The following AKAP6 variants were observed in gnomAD, a reference collection of about 807,000 sequenced individuals.
The protein encoded by AKAP6 is A-kinase anchor protein 6.
AKAP6 carries 58 observed loss-of-function variants against 188.5 expected under a neutral mutation model. The ratio of observed to expected loss-of-function variants is 0.31; its 90% CI spans 0.25 to 0.38. The LOEUF (loss-of-function observed/expected upper bound fraction) is 0.38, where lower values mean the gene tolerates loss of function less well. AKAP6 is among the 10% of genes least tolerant of loss of function. The pLI, the probability that AKAP6 is intolerant of heterozygous loss-of-function variation, is 1.00. For synonymous variants in AKAP6, 989 were observed against 998.6 expected (o/e 0.99, Z 0.18); for missense variants, 2,710 against 2,740.0 (o/e 0.99, Z 0.24).
chr14:32,813,593 C>T (rs555955336), intron 12 of AKAP6, among the ~76,000 whole-genome samples: 38 of 152,156 alleles, frequency 2.5e-4, no homozygotes, highest in African/African-American at 7.7e-4. Context: ...TAGGAAATTC[C>T]GAGGGCTTTA....
At chr14:32,540,168 C>CTCTCTCTCTCTCTCTCTATATA (rs1240063339) in intron 3 of AKAP6, among the ~76,000 whole-genome samples, 2 of 60,920 alleles carry the variant, frequency 3.3e-5, no homozygotes, top group African/African-American at 2.0e-4. Context: ...CTCTCTCTCT[C>CTCTCTCTCTCTCTCTCTATATA]TATATATATA....
At chr14:32,607,442 A>G (rs1471640607) in intron 7 of AKAP6, among the ~76,000 whole-genome samples, 1 of 152,208 alleles carries the variant, frequency 6.6e-6, no homozygotes, top group Non-Finnish European at 1.5e-5. Context: ...ACCAGAAATG[A>G]TCTAGTAAGA....
intron 3 of AKAP6, among the ~76,000 whole-genome samples, chr14:32,538,556 T>TA (rs34245092): frequency 0.013 from 2,017 of 151,346 alleles, 48 homozygotes; most frequent in African/African-American, 0.046. Flanking sequence ...CCATATCTAG[T>TA]AAAAAAAAAT....
At chr14:32,712,747 G>A (rs573844008) in intron 9 of AKAP6, among the ~76,000 whole-genome samples, 1 of 152,128 alleles carries the variant, frequency 6.6e-6, no homozygotes, top group South Asian at 2.1e-4. Context: ...TCCAATTCTA[G>A]TTCTCTTGCT....
At position 32,833,357 on chromosome 14, in the gene AKAP6, G is replaced by C. The variant is rs563827097; in HGVS notation, c.*3552G>C. ...ATTATGACTTTTGTCTCAATTAAAT[G>C]ATGACCTCATTTAGTTTCTGATGAA... On this transcript the variant is annotated 3_prime_UTR_variant, in exon 14 of 14. Coordinates refer to ENST00000280979, the MANE Select transcript of AKAP6 (RefSeq NM_004274.5). 1 of 152,172 alleles carries C rather than the reference G, an allele frequency of 6.6e-6. No individual in the cohort carries two copies. Among genetic ancestry groups the C allele is most frequent in the Non-Finnish European group, 1.5e-5 (1 of 68,038 alleles). The allele number at this position is 152,172 out of a possible 1,614,324, so 9.4% of individuals were successfully genotyped here. A position where few individuals can be genotyped will look rare whatever the true frequency, so the allele number is the denominator to read the frequency against.
rs746442429 is a variant in AKAP6, at chr14:32,824,442, CA to C, written c.6630del (p.Val2211TrpfsTer18). 6.2e-7 allele frequency: 1 copy of C among 1,613,952 alleles called. No individual in the cohort carries two copies. The highest frequency in any genetic ancestry group is 8.5e-7 in the Non-Finnish European group (1 of 1,179,964). On this transcript the variant is annotated frameshift_variant, in exon 13 of 14. Coordinates refer to ENST00000280979, the MANE Select transcript of AKAP6 (RefSeq NM_004274.5). LOFTEE classifies it high-confidence loss of function. ...DSSLSADDAD[T>X]VALSSPSSQE... Reference sequence around the variant, plus strand: ...TCTCTTTCAGCTGATGATGCAGATACAGTGGCTCTTTCAAGTCCTTCCTCTC... The same window carrying C: ...TCTCTTTCAGCTGATGATGCAGATACGTGGCTCTTTCAAGTCCTTCCTCTC...
chr14:32,540,905 G>GTT lies in AKAP6; in HGVS notation c.577-4323_577-4322dup, dbSNP rs1161858427. On this transcript the variant is annotated intron_variant, in intron 3 of 13. Transcript: ENST00000280979. ...TTTTTTTTTTGCATTAAAAAATACA[G>GTT]TTTGAATAAAAAATAGTTACCCCGT... 2.1e-4 allele frequency among the ~76,000 whole-genome samples: 31 copies of GTT among 149,458 alleles called. 1 individual carries two copies. In the East Asian group the frequency reaches 4.7e-3, roughly 23 times the overall value.
chr14:32,441,478 T>C (rs1229923714), intron 2 of AKAP6, among the ~76,000 whole-genome samples: 1 of 152,230 alleles, frequency 6.6e-6, no homozygotes, highest in East Asian at 1.9e-4. Flanking sequence ...CCCCATCCAA[T>C]GCTGGAAAAC....
chr14:32,814,163 T>C (rs930537500), intron 12 of AKAP6, among the ~76,000 whole-genome samples: 5 of 152,214 alleles, frequency 3.3e-5, no homozygotes, highest in African/African-American at 1.2e-4. Flanking sequence ...TGCACTGGCC[T>C]CTAGCACCTG....
At chr14:32,398,780 TTCTC>T (rs55959454) in intron 1 of AKAP6, among the ~76,000 whole-genome samples, 32 of 131,298 alleles carry the variant, frequency 2.4e-4, no homozygotes, top group African/African-American at 7.9e-4. Context: ...TTCTTTTCTT[TTCTC>T]TCTCTCTCTC....
chr14:32,430,758 G>A (rs531817396), intron 1 of AKAP6, among the ~76,000 whole-genome samples: 1 of 152,194 alleles, frequency 6.6e-6, no homozygotes, highest in Non-Finnish European at 1.5e-5. Flanking sequence ...ATAGCATTGT[G>A]ATTCTAAACT....
chr14:32,657,751 T>C (rs1237303762), intron 7 of AKAP6, among the ~76,000 whole-genome samples: 2 of 152,014 alleles, frequency 1.3e-5, no homozygotes, highest in African/African-American at 4.8e-5. Context: ...TGTCTTGGGA[T>C]AAAAGAATAC....
At chr14:32,378,039 C>T (rs1001295709) in intron 1 of AKAP6, among the ~76,000 whole-genome samples, 3 of 152,036 alleles carry the variant, frequency 2.0e-5, no homozygotes, top group African/African-American at 7.3e-5. Flanking sequence ...GAAAGAGAGT[C>T]TTGAGAATCA....
chr14:32,793,999 G>C (rs2033688539), intron 12 of AKAP6, among the ~76,000 whole-genome samples: 1 of 152,048 alleles, frequency 6.6e-6, no homozygotes. Flanking sequence ...GGATCAAGTG[G>C]ACCTGATAGA....
intron 12 of AKAP6, among the ~76,000 whole-genome samples, chr14:32,787,222 AG>A (rs561717798): frequency 7.5e-4 from 114 of 152,306 alleles, no homozygotes; most frequent in Middle Eastern, 3.4e-3. Context: ...AATGAAAGAA[AG>A]GGGGGGAACC....
At chr14:32,487,433 C>T (rs1368802957) in intron 2 of AKAP6, among the ~76,000 whole-genome samples, 1 of 152,190 alleles carries the variant, frequency 6.6e-6, no homozygotes, top group Admixed American at 6.5e-5. Context: ...TTCTAGTTAG[C>T]AGTTCCTGTA....
chr14:32,694,410 A>G lies in AKAP6; in HGVS notation c.2880-1580A>G, dbSNP rs542530513. The stretch of plus-strand genomic sequence containing the variant: ...GGTCCATGGACCAGCAGTGTTGCCA[A>G]CACTTGTTAGAAATGAAGAATCTCA... On this transcript the variant is annotated intron_variant, in intron 8 of 13. Transcript: ENST00000280979. 6.6e-5 allele frequency among the ~76,000 whole-genome samples: 10 copies of G among 151,926 alleles called. No homozygotes were observed. The East Asian group carries it at 1.9e-3, about 29-fold the overall frequency.
At chr14:32,622,682 A>G (rs1363624095) in intron 7 of AKAP6, among the ~76,000 whole-genome samples, 2 of 152,100 alleles carry the variant, frequency 1.3e-5, no homozygotes, top group Admixed American at 6.6e-5. Context: ...TTCTAAACTC[A>G]TATAGTTGCT....
chr14:32,805,430 A>G (rs1259944825), intron 12 of AKAP6, among the ~76,000 whole-genome samples: 1 of 151,876 alleles, frequency 6.6e-6, no homozygotes, highest in Non-Finnish European at 1.5e-5. Flanking sequence ...AGGAGGAGAG[A>G]TGGGTGGGGA....
Sources: gnomAD v4.1 joint callset for allele counts (sites outside exome capture counted in the v4.1 genomes callset) on GRCh38, gnomAD v4.1.1 for gene constraint, MANE v1.5 for transcripts, NCBI Gene and HGNC (gene_info 2026-07-23, HGNC 2026-07-21) for gene names.